The following GALNT3 variants were observed in gnomAD, a reference collection of about 807,000 sequenced individuals.
GALNT3 encodes the protein GalNAc transferase 3.
A neutral mutation model predicts 69.8 loss-of-function variants in GALNT3; 51 were observed. The observed-to-expected ratio is 0.73, with a 90% CI of 0.58 to 0.92. GALNT3 has a LOEUF of 0.92. GALNT3 is among the 40% of genes least tolerant of loss of function. GALNT3 has a pLI of 0.00. For missense variants in GALNT3, 711 were observed against 760.0 expected (o/e 0.94, Z 0.76); for synonymous variants, 265 against 248.5 (o/e 1.07, Z -0.63).
chr2:165,771,904 C>G (rs1429670559), intron 1 of GALNT3, among the ~76,000 whole-genome samples: 1 of 152,092 alleles, frequency 6.6e-6, no homozygotes, highest in Non-Finnish European at 1.5e-5. Context: ...GCTGAATAAA[C>G]AAAATAGGCA....
At position 165,757,192 on chromosome 2, in the gene GALNT3, A is replaced by T; in HGVS notation, c.1247T>A (p.Val416Asp). ...GCTATGAGGGCTTTTGCTGCGAAAA[A>T]CATGTCCAACAACAGAGCAAGGCAT... ...EIMPCSVVGHVFRSKSPHSFP... is the reference protein window; with the variant it reads ...EIMPCSVVGHDFRSKSPHSFP... Residue 416 changes from valine to aspartate, a missense_variant, in exon 7 of 11, where the codon GTT (valine) becomes GAT (aspartate). By Grantham distance (152) the Val-to-Asp change is radical. Coordinates refer to ENST00000392701, the MANE Select transcript of GALNT3 (RefSeq NM_004482.4). 1.2e-6 allele frequency: 2 copies of T among 1,614,060 alleles called. No individual in the cohort carries two copies. The highest frequency in any genetic ancestry group is 1.7e-6 in the Non-Finnish European group (2 of 1,179,968).
chr2:165,755,751 C>A (rs1444442195), intron 7 of GALNT3, among the ~76,000 whole-genome samples: 1 of 152,146 alleles, frequency 6.6e-6, no homozygotes, highest in Non-Finnish European at 1.5e-5. Context: ...CATGTAATAT[C>A]TAAATGTATG....
chr2:165,749,708 T>C lies in GALNT3; in HGVS notation c.1779+34A>G, dbSNP rs375337784. 41 of 1,591,444 alleles carry C rather than the reference T, an allele frequency of 2.6e-5. No homozygotes were observed. In the African/African-American group the frequency reaches 5.4e-4, roughly 21 times the overall value. ...GATAAGCAAGTAGAGCTAAGAAAAA[T>C]AGTTAAATAGATGAATTAATTGCAC... On this transcript the variant is annotated intron_variant, in intron 10 of 10. Transcript: ENST00000392701.
At chr2:165,758,922 T>C in intron 5 of GALNT3, 58 bp from the exon 6 acceptor site, 1 of 1,064,620 alleles carries the variant, frequency 9.4e-7, no homozygotes, top group Admixed American at 1.7e-5. Context: ...TAAAACAGCA[T>C]ATTTTAAGAA....
intron 9 of GALNT3, among the ~76,000 whole-genome samples, chr2:165,750,454 TTC>T (rs1272020629): frequency 6.6e-6 from 1 of 152,202 alleles, no homozygotes; most frequent in Non-Finnish European, 1.5e-5. Context: ...CTACTGATGC[TTC>T]TCTTTCTCCA....
chr2:165,765,225 A>AT (rs535380730), intron 2 of GALNT3, among the ~76,000 whole-genome samples, 169 bp from the exon 3 acceptor site: 3 of 152,148 alleles, frequency 2.0e-5, no homozygotes, highest in Non-Finnish European at 4.4e-5. Flanking sequence ...AATCAAAACA[A>AT]TTTTTTTACA....
chr2:165,765,070 G>A lies in GALNT3; in HGVS notation c.516-14C>T. On this transcript the variant is annotated splice_polypyrimidine_tract_variant and intron_variant, in intron 2 of 10. Coordinates refer to ENST00000392701, the MANE Select transcript of GALNT3 (RefSeq NM_004482.4). ...TGTTCAATACATCTAGAAGAAGTCA[G>A]AGAAGTAGAAAAACAATTACAAATT... The A allele has an allele frequency of 1.2e-6, 2 of 1,610,330 alleles. No homozygotes were observed. The highest frequency in any genetic ancestry group is 1.7e-6 in the Non-Finnish European group (2 of 1,176,640).
intron 5 of GALNT3, 33 bp downstream of exon 5, chr2:165,759,303 G>A (rs770367891): frequency 2.0e-6 from 3 of 1,526,656 alleles, no homozygotes; most frequent in East Asian, 2.3e-5. Context: ...GGTATAGGGT[G>A]TAAATATAAG....
intron 2 of GALNT3, 120 bp from the exon 3 acceptor site, chr2:165,765,176 G>T: frequency 1.1e-6 from 1 of 902,008 alleles, no homozygotes; most frequent in Non-Finnish European, 1.7e-6. Context: ...TAGTTTTCTT[G>T]TATGTGATAT....
In GALNT3 at chr2:165,770,382, A is replaced by G. The variant is rs757758066; in HGVS notation, c.319T>C (p.Leu107=). ...GGTGGACGGTCAAGGACAGGCTTCA[A>G]TTCTGCTGCTGTATAATATCCTTGC... ...CLQGYYTAAE[L]KPVLDRPPQD... The change falls in exon 2 of 11, where the codon TTG becomes CTG. Residue 107 remains leucine (L), a synonymous_variant. Coordinates refer to ENST00000392701, the MANE Select transcript of GALNT3 (RefSeq NM_004482.4). 6.2e-6 allele frequency: 10 copies of G among 1,614,204 alleles called. No individual in the cohort carries two copies. Among genetic ancestry groups the G allele is most frequent in the Non-Finnish European group, 8.5e-6 (10 of 1,180,030 alleles).
In GALNT3 at chr2:165,759,496, C is replaced by A. The variant is rs1002531653; in HGVS notation, c.913G>T (p.Asp305Tyr). 18 of 1,613,924 alleles carry A rather than the reference C, an allele frequency of 1.1e-5. No individual in the cohort carries two copies. Among genetic ancestry groups the A allele is most frequent in the Non-Finnish European group, 1.4e-5 (16 of 1,180,012 alleles). Reference sequence around the variant, plus strand: ...GTGTTCAGATCTATGGATGCAATATCTGGACTTACGACAGCCGTGTAGTTC... The same window carrying A: ...GTGTTCAGATCTATGGATGCAATATATGGACTTACGACAGCCGTGTAGTTC... ...AENYTAVVSP[D>Y]IASIDLNTFE... Residue 305 changes from aspartate (D) to tyrosine (Y), a missense_variant, in exon 5 of 11, where the codon GAT becomes TAT. Transcript: ENST00000392701.
At chr2:165,775,809 C>G (rs1461187175) in intron 1 of GALNT3, among the ~76,000 whole-genome samples, 1 of 152,164 alleles carries the variant, frequency 6.6e-6, no homozygotes, top group South Asian at 2.1e-4. Context: ...TTGTCTAGAT[C>G]ACAATATTTT....
intron 1 of GALNT3, among the ~76,000 whole-genome samples, chr2:165,780,571 G>A (rs542873619): frequency 6.6e-6 from 1 of 152,174 alleles, no homozygotes; most frequent in South Asian, 2.1e-4. Flanking sequence ...GGGCTATAGT[G>A]CTACACAGTC....
In GALNT3 at chr2:165,748,695, C is replaced by A; in HGVS notation, c.*86G>T. 1 of 1,273,396 alleles carries A rather than the reference C, an allele frequency of 7.9e-7. No homozygotes were observed. The highest frequency in any genetic ancestry group is 1.1e-6 in the Non-Finnish European group (1 of 903,848). 78.9% of individuals were successfully genotyped at this position (1,273,396 alleles called of 1,614,324 possible). ...AATAAGTTACATTTAGCTGCTTTTG[C>A]ATAATTTTCAAAAACTACAGTGTAT... is the stretch of plus-strand genomic sequence containing the variant. On this transcript the variant is annotated 3_prime_UTR_variant, in exon 11 of 11. Coordinates refer to ENST00000392701, the MANE Select transcript of GALNT3 (RefSeq NM_004482.4).
intron 9 of GALNT3, among the ~76,000 whole-genome samples, chr2:165,753,853 G>A (rs761083996): frequency 6.6e-5 from 10 of 152,130 alleles, no homozygotes; most frequent in Non-Finnish European, 1.0e-4. Context: ...GGAACATATT[G>A]AAATAATATT....
intron 1 of GALNT3, among the ~76,000 whole-genome samples, chr2:165,778,323 C>A (rs555767681): frequency 4.6e-4 from 70 of 152,256 alleles, no homozygotes; most frequent in Non-Finnish European, 9.3e-4. Context: ...ATTCCCTGCC[C>A]CCCAGGTAGA....
At position 165,754,996 on chromosome 2, in the gene GALNT3, C is replaced by T; in HGVS notation, c.1460G>A (p.Trp487Ter). Residue 487 changes from tryptophan (W) to a stop codon, truncating the protein, a stop_gained, in exon 8 of 11, where the codon TGG (tryptophan) becomes TAG (stop). Transcript: ENST00000392701. LOFTEE classifies it high-confidence loss of function. ...KHRLQCKNFT[W>*]YLNNIYPEVY... ...CTCTGGATAAATGTTGTTCAGATAC[C>T]ATGTAAAATTTTTACACTGAAGGCG... 1.2e-6 allele frequency: 2 copies of T among 1,611,952 alleles called. No individual in the cohort carries two copies. Among genetic ancestry groups the T allele is most frequent in the Non-Finnish European group, 1.7e-6 (2 of 1,178,262 alleles).
chr2:165,760,157 A>G (rs62174820), intron 4 of GALNT3, among the ~76,000 whole-genome samples: 59,597 of 152,090 alleles, frequency 0.39, 13,001 homozygotes, highest in Non-Finnish European at 0.5. Context: ...GCTGTTCCAC[A>G]TTACCTGGCC....
intron 3 of GALNT3, among the ~76,000 whole-genome samples, chr2:165,763,745 C>T (rs1394700678): frequency 6.6e-6 from 1 of 152,110 alleles, no homozygotes; most frequent in Non-Finnish European, 1.5e-5. Context: ...ATATGAACTT[C>T]CCGTAAATTT....
Sources: allele counts gnomAD v4.1 joint callset (sites outside exome capture counted in the v4.1 genomes callset), GRCh38; gene constraint gnomAD v4.1.1; transcripts MANE v1.5; gene names NCBI Gene and HGNC (gene_info 2026-07-23, HGNC 2026-07-21).